BAHCC1: variants seen among roughly 807,000 people sequenced by gnomAD.
BAHCC1 encodes the protein BAH and coiled-coil domain-containing protein 1.
Under a neutral mutation model 88.2 loss-of-function variants are expected in BAHCC1, and 43 were observed. That is an observed-to-expected ratio of 0.49 (90% CI 0.38 to 0.63). BAHCC1 has a LOEUF of 0.63. Among genes scored for constraint, BAHCC1 ranks in the 20% least tolerant of loss-of-function variants. BAHCC1 has a pLI of 0.00. For synonymous variants in BAHCC1, 1,510 were observed against 745.5 expected (o/e 2.03, Z -16.71); for missense variants, 3,023 against 1,654.8 (o/e 1.83, Z -14.34).
chr17:81,446,471 G>A (rs914559759), intron 10 of BAHCC1, among the ~76,000 whole-genome samples: 1 of 148,258 alleles, frequency 6.7e-6, no homozygotes, highest in Non-Finnish European at 1.5e-5. Context: ...TTGTTGGGGG[G>A]AGCTTCAAGG....
intron 16 of BAHCC1, 128 bp downstream of exon 16, chr17:81,456,713 C>G (rs937279414): frequency 3.4e-6 from 2 of 587,640 alleles, no homozygotes; most frequent in Admixed American, 3.2e-5. Context: ...GTGACAGGTC[C>G]AAGGAGACGT....
chr17:81,455,830 G>GCT (rs2064738923), intron 15 of BAHCC1, among the ~76,000 whole-genome samples: 1 of 152,120 alleles, frequency 6.6e-6, no homozygotes, highest in Non-Finnish European at 1.5e-5. Context: ...CGTGGTGGGG[G>GCT]CTCTCTCGGC....
rs782315551 is a variant in BAHCC1, at chr17:81,447,221, C to G, written c.3349C>G (p.Pro1117Ala). Residue 1117 changes from proline to alanine, a missense_variant, in exon 11 of 28, where the codon CCC (proline) becomes GCC (alanine). Physicochemically the swap from Pro to Ala is conservative, Grantham distance 27. Coordinates refer to ENST00000675386, the MANE Select transcript of BAHCC1 (RefSeq NM_001377448.1). ...PPCSPRSLEE[P>A]GLLSGAREAT... ...CTGCAGCCCCAGGAGCCTGGAGGAGCCCGGGCTGCTCTCAGGGGCCAGGGA... is the reference window on the plus strand; with the variant it reads ...CTGCAGCCCCAGGAGCCTGGAGGAGGCCGGGCTGCTCTCAGGGGCCAGGGA... 1 of 742,524 alleles carries G rather than the reference C, an allele frequency of 1.3e-6. No homozygotes were observed. Among genetic ancestry groups the G allele is most frequent in the East Asian group, 2.4e-5 (1 of 40,854 alleles). The allele number at this position is 742,524 out of a possible 1,614,324, so 46.0% of individuals were successfully genotyped here.
At chr17:81,418,798 T>TGTGTGTGTGTGTGCGCGC (rs1555649114) in intron 2 of BAHCC1, among the ~76,000 whole-genome samples, 1 of 66,270 alleles carries the variant, frequency 1.5e-5, no homozygotes, top group African/African-American at 6.0e-5. Flanking sequence ...CGTGTGTGCG[T>TGTGTGTGTGTGTGCGCGC]GTGTGTGTGT....
At chr17:81,410,761 C>CA (rs1396706793) in intron 2 of BAHCC1, among the ~76,000 whole-genome samples, 1 of 152,082 alleles carries the variant, frequency 6.6e-6, no homozygotes, top group Non-Finnish European at 1.5e-5. Context: ...CCAGGGGAGA[C>CA]ACCAGCAGAT....
At chr17:81,404,022 A>C (rs2063850143) in intron 2 of BAHCC1, among the ~76,000 whole-genome samples, 1 of 152,254 alleles carries the variant, frequency 6.6e-6, no homozygotes, top group Admixed American at 6.5e-5. Flanking sequence ...GGCGTTGTGC[A>C]AATAGCACAT....
chr17:81,441,535 T>G (rs961292611), intron 4 of BAHCC1, among the ~76,000 whole-genome samples: 5 of 151,586 alleles, frequency 3.3e-5, no homozygotes, highest in African/African-American at 9.7e-5. Context: ...GGTGGCGGGC[T>G]CCTGTAGTCC....
Position 81,435,580 on chromosome 17 carries a change from C to A in BAHCC1, c.359-2790C>A. The A allele has an allele frequency of 1.1e-5, 5 of 448,394 alleles. No individual in the cohort carries two copies. The highest frequency in any genetic ancestry group is 8.0e-5 in the South Asian group (5 of 62,738). The allele number at this position is 448,394 out of a possible 1,614,324, so 27.8% of individuals were successfully genotyped here. ...GGAAGGGGAGGTTCTGGAGCCCCGA[C>A]GTTCTAGCAGGAGCTTGCAGTTGAG... On this transcript the variant is annotated intron_variant, in intron 3 of 27. Transcript: ENST00000675386. The surrounding 1 kb of genome is among the most constrained non-coding windows in gnomAD (Gnocchi z 4.4).
chr17:81,414,609 G>A (rs1184844363), intron 2 of BAHCC1, among the ~76,000 whole-genome samples: 1 of 152,224 alleles, frequency 6.6e-6, no homozygotes, highest in East Asian at 1.9e-4. Flanking sequence ...AGAGGCTGAG[G>A]TGAAAAGTAA....
intron 4 of BAHCC1, among the ~76,000 whole-genome samples, chr17:81,440,321 G>C (rs567140204): frequency 6.6e-6 from 1 of 152,346 alleles, no homozygotes; most frequent in East Asian, 1.9e-4. Flanking sequence ...GGCCGGCCAG[G>C]CCTCTCGGCT....
At position 81,435,185 on chromosome 17, in the gene BAHCC1, G is replaced by A. The variant is rs956709365; in HGVS notation, c.359-3185G>A. Among the ~76,000 whole-genome samples the A allele has an allele frequency of 1.1e-4, 17 of 152,028 alleles. No individual in the cohort carries two copies. The highest frequency in any genetic ancestry group is 2.1e-4 in the Non-Finnish European group (14 of 67,978). On this transcript the variant is annotated intron_variant, in intron 3 of 27. Coordinates refer to ENST00000675386, the MANE Select transcript of BAHCC1 (RefSeq NM_001377448.1). This position sits in a 1 kb window ranked among gnomAD's most constrained non-coding sequence, Gnocchi z 4.4. Reference sequence around the variant, plus strand: ...CCTGCAACCCTTGACCTCCCCAGACGTGGTGAGCTCAGGCCTGGGGGTGGT... The same window carrying A: ...CCTGCAACCCTTGACCTCCCCAGACATGGTGAGCTCAGGCCTGGGGGTGGT...
At position 81,435,382 on chromosome 17, in the gene BAHCC1, T is replaced by C. The variant is rs2064321386; in HGVS notation, c.359-2988T>C. ...GCCCACCGCAGTAGCAGGGGCAGGATGTGGGGACCTCGGTGCGACCCCCAC... is the reference window on the plus strand; with the variant it reads ...GCCCACCGCAGTAGCAGGGGCAGGACGTGGGGACCTCGGTGCGACCCCCAC... On this transcript the variant is annotated intron_variant, in intron 3 of 27. Coordinates refer to ENST00000675386, the MANE Select transcript of BAHCC1 (RefSeq NM_001377448.1). This position sits in a 1 kb window ranked among gnomAD's most constrained non-coding sequence, Gnocchi z 4.4. The C allele has an allele frequency of 6.5e-6, 3 of 463,982 alleles. No homozygotes were observed. The Admixed American group carries it at 7.1e-5, about 11-fold the overall frequency. The allele number at this position is 463,982 out of a possible 1,614,324, so 28.7% of individuals were successfully genotyped here. A position where few individuals can be genotyped will look rare whatever the true frequency, so the allele number is the denominator to read the frequency against.
rs782537873 is a variant in BAHCC1, at chr17:81,461,638, C to T, written c.6975C>T (p.Thr2325=). ...SVSSSSSGSS[T]SSSSGSVSTS... is the part of the protein sequence containing the mutation. ...CCTCTTCCTCCTCTGGCTCGTCCAC[C>T]TCCTCCTCCTCAGGCTCCGTGTCCA... The change falls in exon 26 of 28, where the codon ACC becomes ACT. Residue 2325 remains threonine, a synonymous_variant. Coordinates refer to ENST00000675386, the MANE Select transcript of BAHCC1 (RefSeq NM_001377448.1). 2.7e-6 allele frequency: 2 copies of T among 737,320 alleles called. No homozygotes were observed. Among genetic ancestry groups the T allele is most frequent in the East Asian group, 2.5e-5 (1 of 39,350 alleles). The allele number at this position is 737,320 out of a possible 1,614,324, so 45.7% of individuals were successfully genotyped here.
At chr17:81,418,665 C>G (rs1251654907) in intron 2 of BAHCC1, among the ~76,000 whole-genome samples, 1 of 152,158 alleles carries the variant, frequency 6.6e-6, no homozygotes, top group African/African-American at 2.4e-5. Flanking sequence ...GGCCTGAGCC[C>G]TGGGAAGCAG....
At chr17:81,438,323 CA>C (rs1555652009) in intron 3 of BAHCC1, 46 bp from the exon 4 acceptor site, 1 of 775,044 alleles carries the variant, frequency 1.3e-6, no homozygotes, top group South Asian at 1.4e-5. Context: ...GAGTGTGGGC[CA>C]GGGGGCTGGG....
At chr17:81,401,797 G>A in intron 2 of BAHCC1, 1 of 151,078 alleles carries the variant, frequency 6.6e-6, no homozygotes. Context: ...GGGAGGCAAG[G>A]CCAAATTCCC....
rs565979458 is a variant in BAHCC1, at chr17:81,412,662, G to A, written c.178+12745G>A. Among the ~76,000 whole-genome samples the A allele has an allele frequency of 1.7e-3, 258 of 152,266 alleles. 1 individual carries two copies. Among genetic ancestry groups the A allele is most frequent in the African/African-American group, 5.9e-3 (246 of 41,552 alleles). ...CTCCTGGCCCTTCCCGTACCTTCCC[G>A]GGGGCTCTTTCCCCGTCCGCGCCCC... On this transcript the variant is annotated intron_variant, in intron 2 of 27. Coordinates refer to ENST00000675386, the MANE Select transcript of BAHCC1 (RefSeq NM_001377448.1).
rs782099738 is a variant in BAHCC1 at position 81,461,255 on chromosome 17, GGGC to G, written c.6601_6603del (p.Arg2201del). 6.2e-5 allele frequency: 43 copies of G among 696,688 alleles called. No individual in the cohort carries two copies. The East Asian group carries it at 1.1e-3, about 18-fold the overall frequency. The allele number at this position is 696,688 out of a possible 1,614,324, so 43.2% of individuals were successfully genotyped here. On this transcript the variant is annotated inframe_deletion, in exon 26 of 28. Coordinates refer to ENST00000675386, the MANE Select transcript of BAHCC1 (RefSeq NM_001377448.1). Reference sequence around the variant, plus strand: ...CGAGAGGGTGGAGGCCGAGAAGGGTGGGCGGCGGCGGGCGGGCGGTGAGTTCCT... The same window carrying G: ...CGAGAGGGTGGAGGCCGAGAAGGGTGGGCGGCGGGCGGGCGGTGAGTTCCT...
chr17:81,460,227 C>T (rs782107004), intron 23 of BAHCC1, 50 bp from the exon 24 acceptor site: 12 of 715,568 alleles, frequency 1.7e-5, no homozygotes, highest in Middle Eastern at 2.9e-4. Context: ...CTCCCTGTTT[C>T]GGGCGCCTAC....
Sources: gnomAD v4.1 joint callset for allele counts (sites outside exome capture counted in the v4.1 genomes callset) on GRCh38, gnomAD v4.1.1 for gene constraint, Gnocchi (gnomAD v3.1) non-coding constraint, MANE v1.5 for transcripts, NCBI Gene and HGNC (gene_info 2026-07-23, HGNC 2026-07-21) for gene names.